CFAP221: variants seen among roughly 807,000 people sequenced by gnomAD.
CFAP221 encodes cilia and flagella associated protein 221, also known as cilia- and flagella-associated protein 221.
Under a neutral mutation model 113.1 loss-of-function variants are expected in CFAP221, and 97 were observed. The ratio of observed to expected loss-of-function variants is 0.86; its 90% CI spans 0.73 to 1.02. The LOEUF (loss-of-function observed/expected upper bound fraction) is 1.02, where lower values mean the gene tolerates loss of function less well. CFAP221 is among the 50% of genes least tolerant of loss of function. The probability of loss-of-function intolerance (pLI) is 0.00; values close to 1 mark genes in which losing one functional copy is unlikely to be tolerated. For missense variants in CFAP221, 1,025 were observed against 1,013.4 expected (o/e 1.01, Z -0.16); for synonymous variants, 331 against 354.4 (o/e 0.93, Z 0.74).
intron 22 of CFAP221, chr2:119,648,482 C>A: frequency 3.2e-6 from 1 of 315,648 alleles, no homozygotes; most frequent in Non-Finnish European, 7.2e-6. Context: ...ACGACAGAGT[C>A]GGGGTATAGC....
intron 5 of CFAP221, among the ~76,000 whole-genome samples, chr2:119,561,586 G>A (rs901325591): frequency 6.6e-5 from 10 of 150,432 alleles, no homozygotes; most frequent in Non-Finnish European, 1.0e-4. Flanking sequence ...GAAGGTTAAC[G>A]TCATATGAGA....
intron 3 of CFAP221, among the ~76,000 whole-genome samples, chr2:119,550,285 T>C (rs1018011412): frequency 2.0e-5 from 3 of 152,120 alleles, no homozygotes; most frequent in Non-Finnish European, 4.4e-5. Context: ...TTGTTTAGAG[T>C]GAGGCAAAAC....
At chr2:119,614,803 AT>A (rs1376786417) in intron 13 of CFAP221, among the ~76,000 whole-genome samples, 1 of 152,184 alleles carries the variant, frequency 6.6e-6, no homozygotes, top group African/African-American at 2.4e-5. Context: ...TCCCACCTCC[AT>A]CATTCTCACT....
chr2:119,583,955 T>G (rs1234436217), intron 6 of CFAP221, among the ~76,000 whole-genome samples: 1 of 152,252 alleles, frequency 6.6e-6, no homozygotes, highest in Non-Finnish European at 1.5e-5. Flanking sequence ...AATAAATTTC[T>G]GTTGTTCATA....
chr2:119,638,474 G>A (rs1687255147), intron 20 of CFAP221, 57 bp downstream of exon 20: 3 of 1,598,588 alleles, frequency 1.9e-6, no homozygotes, highest in African/African-American at 1.3e-5. Flanking sequence ...GGAGGGGCAG[G>A]GGACAAGGAC....
At chr2:119,566,261 A>G (rs577161298) in intron 6 of CFAP221, among the ~76,000 whole-genome samples, 1 of 152,316 alleles carries the variant, frequency 6.6e-6, no homozygotes, top group East Asian at 1.9e-4. Flanking sequence ...AAAATATTAA[A>G]GCAATCAACT....
chr2:119,546,384 T>G (rs1462401561), intron 2 of CFAP221, 114 bp downstream of exon 2: 1 of 1,201,244 alleles, frequency 8.3e-7, no homozygotes, highest in African/African-American at 1.5e-5. Flanking sequence ...TTTTATAGGC[T>G]TATACTAATT....
intron 12 of CFAP221, among the ~76,000 whole-genome samples, chr2:119,609,708 G>C (rs948824578): frequency 6.6e-6 from 1 of 152,146 alleles, no homozygotes; most frequent in Admixed American, 6.5e-5. Context: ...CAGGAATTTC[G>C]AAGGGACACA....
rs576801848 is a variant in CFAP221 at position 119,639,885 on chromosome 2, C to T, written c.2225+13C>T. ...AGACCACAAAGAGGTAAGCACAGCT[C>T]ATCTGTTTGCTCACGAGTATGTGTG... On this transcript the variant is annotated intron_variant, in intron 21 of 23. Transcript: ENST00000413369. 1.2e-6 allele frequency: 2 copies of T among 1,606,900 alleles called. No individual in the cohort carries two copies. The highest frequency in any genetic ancestry group is 1.3e-5 in the African/African-American group (1 of 74,766).
intron 14 of CFAP221, among the ~76,000 whole-genome samples, chr2:119,618,735 G>A (rs1394612031): frequency 1.3e-5 from 2 of 152,058 alleles, no homozygotes; most frequent in Non-Finnish European, 2.9e-5. Context: ...CAGTGAGACA[G>A]AACCACTCAC....
At position 119,549,099 on chromosome 2, in the gene CFAP221, C is replaced by A; in HGVS notation, c.154C>A (p.Leu52Ile). The A allele has an allele frequency of 6.5e-7, 1 of 1,528,334 alleles. No homozygotes were observed. The allele number at this position is 1,528,334 out of a possible 1,614,324, so 94.7% of individuals were successfully genotyped here. A position where few individuals can be genotyped will look rare whatever the true frequency, so the allele number is the denominator to read the frequency against. The change falls in exon 3 of 24, where the codon CTT becomes ATT. Residue 52 changes from leucine to isoleucine, a missense_variant. Physicochemically the swap from Leu to Ile is conservative, Grantham distance 5. Coordinates refer to ENST00000413369, the MANE Select transcript of CFAP221 (RefSeq NM_001271049.2). ...HLLESKVYAKLVNNKVIQARP... is the reference protein window; with the variant it reads ...HLLESKVYAKIVNNKVIQARP... ...TGTTTTTATAGAGGTTTATGCAAAA[C>A]TTGTGAATAATAAGGTCATACAGGC... is the stretch of plus-strand genomic sequence containing the variant.
chr2:119,629,028 G>T (rs1686572207), intron 16 of CFAP221, among the ~76,000 whole-genome samples: 1 of 152,076 alleles, frequency 6.6e-6, no homozygotes, highest in Non-Finnish European at 1.5e-5. Context: ...CAGCATTCCT[G>T]TCTATAAAAA....
At chr2:119,589,423 C>T (rs541809580) in intron 7 of CFAP221, among the ~76,000 whole-genome samples, 1 of 152,326 alleles carries the variant, frequency 6.6e-6, no homozygotes, top group South Asian at 2.1e-4. Flanking sequence ...GGCTTTTTGG[C>T]CACAAGGCAT....
chr2:119,657,555 C>A (rs1002255768), downstream of CFAP221, among the ~76,000 whole-genome samples: 7 of 152,300 alleles, frequency 4.6e-5, no homozygotes, highest in Admixed American at 1.3e-4. Context: ...CAAAATAGTA[C>A]AGAAAGTTGC....
chr2:119,615,804 C>T (rs982892163), intron 14 of CFAP221, 95 bp downstream of exon 14: 18 of 844,830 alleles, frequency 2.1e-5, no homozygotes, highest in Non-Finnish European at 2.9e-5. Context: ...TATTGAGATA[C>T]AATTTACACA....
chr2:119,544,996 G>C (rs1242913659), intron 1 of CFAP221: 2 of 152,082 alleles, frequency 1.3e-5, no homozygotes, highest in Non-Finnish European at 2.9e-5. Context: ...CAGGTGAGGA[G>C]GGGGCCATGC....
At chr2:119,616,085 A>G (rs1276506405) in intron 14 of CFAP221, among the ~76,000 whole-genome samples, 3 of 152,248 alleles carry the variant, frequency 2.0e-5, no homozygotes, top group Non-Finnish European at 2.9e-5. Flanking sequence ...TTATAAATTT[A>G]TAATTGACAC....
intron 14 of CFAP221, 38 bp from the exon 15 acceptor site, chr2:119,625,545 G>T (rs1237002006): frequency 6.5e-7 from 1 of 1,540,694 alleles, no homozygotes; most frequent in Non-Finnish European, 8.9e-7. Flanking sequence ...AGCGTGTGTT[G>T]ATTAATAATT....
chr2:119,612,612 A>G (rs1685254823), intron 13 of CFAP221, among the ~76,000 whole-genome samples: 1 of 152,226 alleles, frequency 6.6e-6, no homozygotes, highest in Non-Finnish European at 1.5e-5. Context: ...GACATGGCCA[A>G]ACCATATCAT....
Sources: gnomAD v4.1 joint callset for allele counts (sites outside exome capture counted in the v4.1 genomes callset) on GRCh38, gnomAD v4.1.1 for gene constraint, MANE v1.5 for transcripts, NCBI Gene and HGNC (gene_info 2026-07-23, HGNC 2026-07-21) for gene names.